The following FUT8 variants were observed in gnomAD, a reference collection of about 807,000 sequenced individuals.
The protein encoded by FUT8 is fucosyltransferase 8.
In FUT8, 29 loss-of-function variants were observed where a neutral mutation model predicts 71.3. The ratio of observed to expected loss-of-function variants is 0.41; its 90% CI spans 0.30 to 0.55. FUT8 has a LOEUF of 0.55. Among genes scored for constraint, FUT8 ranks in the 20% least tolerant of loss-of-function variants. The pLI, the probability that FUT8 is intolerant of heterozygous loss-of-function variation, is 0.34. For missense variants in FUT8, 544 were observed against 702.1 expected, an observed-to-expected ratio of 0.77 and a Z score of 2.55; for synonymous variants, 254 against 239.3, an observed-to-expected ratio of 1.06 and a Z score of -0.57.
rs148144050 is a variant in FUT8, at chr14:65,724,210, C to T, written c.1146C>T (p.Tyr382=). The T allele has an allele frequency of 1.2e-5, 19 of 1,613,202 alleles. No individual in the cohort carries two copies. The highest frequency in any genetic ancestry group is 1.6e-5 in the Non-Finnish European group (19 of 1,179,698). ...TEAAFHPIEE[Y]MVHVEEHFQL... ...CTGCCTTCCATCCCATTGAAGAGTACATGGTGCATGTTGAAGAACATTTTC... is the reference window on the plus strand; with the variant it reads ...CTGCCTTCCATCCCATTGAAGAGTATATGGTGCATGTTGAAGAACATTTTC... Residue 382 remains tyrosine (Y), a synonymous_variant, in exon 9 of 11, where the codon TAC becomes TAT. Transcript: ENST00000673929.
intron 7 of FUT8, among the ~76,000 whole-genome samples, chr14:65,685,378 T>C (rs1376513198): frequency 1.3e-5 from 2 of 152,214 alleles, no homozygotes; most frequent in Non-Finnish European, 2.9e-5. Flanking sequence ...TAATTGTAGA[T>C]AGTTTGAAAT....
chr14:65,682,273 C>T (rs1893073628), intron 7 of FUT8, among the ~76,000 whole-genome samples: 1 of 152,170 alleles, frequency 6.6e-6, no homozygotes, highest in Non-Finnish European at 1.5e-5. Context: ...GAGGTTGATG[C>T]AGGAGGATCG....
rs1401072910 is a variant in FUT8 at position 65,413,009 on chromosome 14, C to T, written c.-531C>T. On this transcript the variant is annotated 5_prime_UTR_variant, in exon 1 of 11. Coordinates refer to ENST00000673929, the MANE Select transcript of FUT8 (RefSeq NM_001371533.1). The surrounding 1 kb of genome is among the most constrained non-coding windows in gnomAD (Gnocchi z 4.1). ...ACTGCCCGGCTCGCGCCGCCTCGCG[C>T]TCTGCCTCAGTCAGTGGCGCCGAAG... is the stretch of plus-strand genomic sequence containing the variant. 14 of 153,718 alleles carry T rather than the reference C, an allele frequency of 9.1e-5. No homozygotes were observed. Among genetic ancestry groups the T allele is most frequent in the Non-Finnish European group, 1.4e-5 (1 of 69,016 alleles). The allele number at this position is 153,718 out of a possible 1,614,324, so 9.5% of individuals were successfully genotyped here. A position where few individuals can be genotyped will look rare whatever the true frequency, so the allele number is the denominator to read the frequency against.
chr14:65,647,450 A>G (rs1187530241), intron 6 of FUT8, among the ~76,000 whole-genome samples: 3 of 152,208 alleles, frequency 2.0e-5, no homozygotes, highest in Non-Finnish European at 2.9e-5. Context: ...TTTGTCTTTA[A>G]TGATAGTATG....
At chr14:65,719,995 C>A (rs970697272) in intron 7 of FUT8, among the ~76,000 whole-genome samples, 2 of 152,204 alleles carry the variant, frequency 1.3e-5, no homozygotes, top group Non-Finnish European at 2.9e-5. Flanking sequence ...TTCTAGGGCT[C>A]TATAATGAGC....
chr14:65,582,610 G>C (rs968565337), intron 3 of FUT8, among the ~76,000 whole-genome samples: 12 of 152,106 alleles, frequency 7.9e-5, no homozygotes, highest in African/African-American at 2.4e-4. Context: ...ATCTGAATTA[G>C]GTGCCCTTTC....
chr14:65,499,515 A>G (rs964864461), intron 2 of FUT8, among the ~76,000 whole-genome samples: 1 of 152,092 alleles, frequency 6.6e-6, no homozygotes, highest in African/African-American at 2.4e-5. Context: ...GATTAAATCA[A>G]TTTGTAAAGA....
chr14:65,722,746 T>C (rs1895481502), intron 8 of FUT8, among the ~76,000 whole-genome samples: 1 of 152,182 alleles, frequency 6.6e-6, no homozygotes, highest in African/African-American at 2.4e-5. Flanking sequence ...TAGATGTTCA[T>C]ATGATTGTAT....
chr14:65,450,662 T>G (rs1839512860), intron 1 of FUT8, among the ~76,000 whole-genome samples: 1 of 152,214 alleles, frequency 6.6e-6, no homozygotes, highest in African/African-American at 2.4e-5. Context: ...TAAAATGGGG[T>G]TTTTCTTACG....
chr14:65,709,650 A>G (rs1442634722), intron 7 of FUT8, among the ~76,000 whole-genome samples: 1 of 152,224 alleles, frequency 6.6e-6, no homozygotes, highest in Non-Finnish European at 1.5e-5. Flanking sequence ...AAGTTTCTAC[A>G]GAAGCGAAAT....
At chr14:65,463,689 G>C (rs2066000255) in intron 2 of FUT8, among the ~76,000 whole-genome samples, 1 of 152,022 alleles carries the variant, frequency 6.6e-6, no homozygotes, top group Non-Finnish European at 1.5e-5. Context: ...TCATTCCTGG[G>C]GCCATGGTGG....
upstream of FUT8, among the ~76,000 whole-genome samples, chr14:65,405,604 T>C (rs2139326463): frequency 6.6e-6 from 1 of 152,326 alleles, no homozygotes; most frequent in South Asian, 2.1e-4. Flanking sequence ...GGAAATAGCT[T>C]AGGCAAGATG....
chr14:65,560,279 G>C (rs924116948), intron 2 of FUT8, among the ~76,000 whole-genome samples: 2 of 151,856 alleles, frequency 1.3e-5, no homozygotes, highest in Non-Finnish European at 2.9e-5. Context: ...CTTGTATATG[G>C]AACTCTGTCT....
intron 3 of FUT8, among the ~76,000 whole-genome samples, chr14:65,566,135 C>T (rs1000623779): frequency 1.3e-5 from 2 of 151,890 alleles, no homozygotes; most frequent in East Asian, 1.9e-4. Flanking sequence ...ACCTCACTTA[C>T]ATATTTGGCA....
rs1041866246 is a variant in FUT8 at position 65,627,070 on chromosome 14, A to G, written c.483-2422A>G. On this transcript the variant is annotated intron_variant, in intron 5 of 10. Coordinates refer to ENST00000673929, the MANE Select transcript of FUT8 (RefSeq NM_001371533.1). This position sits in a 1 kb window ranked among gnomAD's most constrained non-coding sequence, Gnocchi z 4.0. ...TCATTCATCTAAAGATATTTATCGA[A>G]TATTTTGTCTGTGACATGCACTGTT... 1.3e-5 allele frequency among the ~76,000 whole-genome samples: 2 copies of G among 152,180 alleles called. No individual in the cohort carries two copies. Among genetic ancestry groups the G allele is most frequent in the African/African-American group, 2.4e-5 (1 of 41,454 alleles).
chr14:65,513,724 G>A (rs1237945204), intron 2 of FUT8, among the ~76,000 whole-genome samples: 1 of 148,490 alleles, frequency 6.7e-6, no homozygotes, highest in African/African-American at 2.5e-5. Context: ...GAAGGAAAAA[G>A]GAGAAAACTT....
chr14:65,601,106 G>T (rs1397295529), intron 3 of FUT8, among the ~76,000 whole-genome samples: 2 of 152,104 alleles, frequency 1.3e-5, no homozygotes, highest in Admixed American at 1.3e-4. Context: ...ATTGTCGCTT[G>T]TCCCTTTTAC....
At chr14:65,443,358 C>T (rs1048369319) in intron 1 of FUT8, among the ~76,000 whole-genome samples, 9 of 149,204 alleles carry the variant, frequency 6.0e-5, no homozygotes, top group Non-Finnish European at 1.0e-4. Context: ...TGCAGTGAGC[C>T]GAGACTGCGC....
the FUT8 span, among the ~76,000 whole-genome samples, chr14:65,402,332 C>T: frequency 6.7e-6 from 1 of 149,818 alleles, no homozygotes; most frequent in South Asian, 2.1e-4. Flanking sequence ...TACAAAGTAG[C>T]TAGGACCACA....
Sources: allele counts gnomAD v4.1 joint callset (sites outside exome capture counted in the v4.1 genomes callset), GRCh38; gene constraint gnomAD v4.1.1; non-coding constraint Gnocchi (gnomAD v3.1); transcripts MANE v1.5; gene names NCBI Gene and HGNC (gene_info 2026-07-23, HGNC 2026-07-21).